Variants in TTC39C observed in about 807,000 individuals in gnomAD.
The protein encoded by TTC39C is tetratricopeptide repeat protein 39C.
TTC39C carries 33 observed loss-of-function variants against 76.3 expected under a neutral mutation model. The ratio of observed to expected loss-of-function variants is 0.43; its 90% CI spans 0.33 to 0.58. TTC39C has a LOEUF of 0.58. Ranked by LOEUF, TTC39C falls within the 20% of genes least tolerant of loss-of-function variation. The pLI, the probability that TTC39C is intolerant of heterozygous loss-of-function variation, is 0.04. For synonymous variants in TTC39C, 254 were observed against 260.6 expected (o/e 0.97, Z 0.24); for missense variants, 595 against 701.4 (o/e 0.85, Z 1.71).
chr18:24,017,609 A>C (rs1263747610), intron 1 of TTC39C, among the ~76,000 whole-genome samples: 1 of 152,202 alleles, frequency 6.6e-6, no homozygotes, highest in African/African-American at 2.4e-5. Flanking sequence ...CGTATTACGT[A>C]TGAAGGATTT....
chr18:24,099,800 ATTTC>A (rs1358906690), intron 6 of TTC39C, among the ~76,000 whole-genome samples: 1 of 151,804 alleles, frequency 6.6e-6, no homozygotes, highest in East Asian at 1.9e-4. Context: ...AACTTCCCTT[ATTTC>A]TTCTGTAATG....
chr18:24,016,308 G>C lies in TTC39C; in HGVS notation c.167+1270G>C, dbSNP rs538108572. Among the ~76,000 whole-genome samples the C allele has an allele frequency of 2.8e-4, 42 of 152,238 alleles. No individual in the cohort carries two copies. In the East Asian group the frequency reaches 7.9e-3, roughly 29 times the overall value. ...GTTTCAAGATGGAGTTTCATCAAAG[G>C]CTGTTGATGGGGGATTTAAAAGGTT... On this transcript the variant is annotated intron_variant, in intron 1 of 13. Coordinates refer to ENST00000317571, the MANE Select transcript of TTC39C (RefSeq NM_001135993.2).
chr18:23,995,727 G>A (rs1042613614), intron 1 of TTC39C, among the ~76,000 whole-genome samples: 8 of 151,692 alleles, frequency 5.3e-5, no homozygotes, highest in Non-Finnish European at 1.0e-4. Flanking sequence ...AAAGTTAGCC[G>A]GGCATGGTGG....
At chr18:24,055,585 C>T (rs1043329311) in intron 1 of TTC39C, among the ~76,000 whole-genome samples, 3 of 151,988 alleles carry the variant, frequency 2.0e-5, no homozygotes, top group East Asian at 1.9e-4. Flanking sequence ...TTAGATTGTT[C>T]GTTTTTTGTT....
At chr18:24,008,230 C>T (rs17797732) in intron 1 of TTC39C, among the ~76,000 whole-genome samples, 8,476 of 152,212 alleles carry the variant, frequency 0.056, 298 homozygotes, top group Middle Eastern at 0.13. Flanking sequence ...CTCGAATGTC[C>T]GAGGGAATCT....
chr18:24,052,789 T>C (rs1234226240), intron 1 of TTC39C, among the ~76,000 whole-genome samples: 1 of 152,156 alleles, frequency 6.6e-6, no homozygotes, highest in Non-Finnish European at 1.5e-5. Context: ...CATTGAGAAT[T>C]GGAAATTTAT....
At chr18:24,104,015 T>C (rs1312337809) in intron 6 of TTC39C, among the ~76,000 whole-genome samples, 2 of 151,256 alleles carry the variant, frequency 1.3e-5, no homozygotes, top group Non-Finnish European at 2.9e-5. Flanking sequence ...CATTGCAACC[T>C]CCACCTTCTG....
At chr18:24,080,466 A>G in intron 4 of TTC39C, 119 bp from the exon 5 acceptor site, 1 of 731,508 alleles carries the variant, frequency 1.4e-6, no homozygotes, top group Non-Finnish European at 2.2e-6. Context: ...ATAGATACTA[A>G]TTTTTATGTT....
chr18:24,110,701 C>T (rs1190566740), intron 6 of TTC39C, among the ~76,000 whole-genome samples: 1 of 152,228 alleles, frequency 6.6e-6, no homozygotes, highest in African/African-American at 2.4e-5. Context: ...AAATATGCTC[C>T]ATCTTTCATA....
chr18:24,019,172 T>C (rs1384990008), intron 1 of TTC39C, among the ~76,000 whole-genome samples: 1 of 152,164 alleles, frequency 6.6e-6, no homozygotes, highest in Admixed American at 6.5e-5. Flanking sequence ...CCAAATGAGC[T>C]TCGCAGTTCT....
chr18:24,042,934 C>T lies in TTC39C; in HGVS notation c.168-21206C>T, dbSNP rs547156776. Among the ~76,000 whole-genome samples the T allele has an allele frequency of 7.9e-5, 12 of 152,138 alleles. No homozygotes were observed. The South Asian group carries it at 2.1e-3, about 26-fold the overall frequency. On this transcript the variant is annotated intron_variant, in intron 1 of 13. Transcript: ENST00000317571. ...GGAAGTTTCTGGAGCAATTTGAGAG[C>T]AGATACCATGACTCTCATAAAAATG... is the stretch of plus-strand genomic sequence containing the variant.
intron 1 of TTC39C, among the ~76,000 whole-genome samples, chr18:24,020,962 G>A (rs1432657575): frequency 5.9e-5 from 9 of 152,004 alleles, no homozygotes; most frequent in African/African-American, 1.9e-4. Context: ...CTAGTTACAC[G>A]AAACCACTTG....
At chr18:24,024,922 G>T (rs1312921258) in intron 1 of TTC39C, among the ~76,000 whole-genome samples, 1 of 152,184 alleles carries the variant, frequency 6.6e-6, no homozygotes, top group Non-Finnish European at 1.5e-5. Context: ...AGGCTGGAGT[G>T]CAGTGGCATG....
At chr18:24,046,182 C>A (rs1019269887) in intron 1 of TTC39C, among the ~76,000 whole-genome samples, 1 of 151,906 alleles carries the variant, frequency 6.6e-6, no homozygotes, top group Non-Finnish European at 1.5e-5. Flanking sequence ...TCGTGATCCA[C>A]CTGCCTTGGC....
At chr18:24,120,929 A>C (rs1214020795) in intron 8 of TTC39C, 1 of 152,160 alleles carries the variant, frequency 6.6e-6, no homozygotes, top group African/African-American at 2.4e-5. Flanking sequence ...TTGTTCATCC[A>C]TTCATTCATT....
chr18:24,088,661 C>T (rs2084477186), intron 6 of TTC39C, among the ~76,000 whole-genome samples: 1 of 152,212 alleles, frequency 6.6e-6, no homozygotes, highest in African/African-American at 2.4e-5. Context: ...TCCCTCACTC[C>T]GTTCCTGCTG....
intron 6 of TTC39C, among the ~76,000 whole-genome samples, chr18:24,099,004 A>AGTGT (rs1229315087): frequency 1.9e-4 from 9 of 46,336 alleles, no homozygotes; most frequent in South Asian, 1.7e-3. Context: ...AAGTTAGAGG[A>AGTGT]ATGTGTGTGT....
At chr18:24,044,204 CTT>C (rs2041438537) in intron 1 of TTC39C, among the ~76,000 whole-genome samples, 2 of 149,810 alleles carry the variant, frequency 1.3e-5, no homozygotes, top group African/African-American at 4.8e-5. Flanking sequence ...AAGTCAGACT[CTT>C]TCTAGGATTT....
rs188735902 is a variant in TTC39C at position 24,128,187 on chromosome 18, G to T, written c.1421-699G>T. Among the ~76,000 whole-genome samples, 4 of 152,314 alleles carry T rather than the reference G, an allele frequency of 2.6e-5. 1 individual carries two copies. Among genetic ancestry groups the T allele is most frequent in the Admixed American group, 2.6e-4 (4 of 15,292 alleles). ...ATAAATATTGAATGAATGAATTAGTGTAATGAATGAATGAATGAACAAGTG... is the reference window on the plus strand; with the variant it reads ...ATAAATATTGAATGAATGAATTAGTTTAATGAATGAATGAATGAACAAGTG... On this transcript the variant is annotated intron_variant, in intron 10 of 13. Transcript: ENST00000317571.
Sources: gnomAD v4.1 joint callset for allele counts (sites outside exome capture counted in the v4.1 genomes callset) on GRCh38, gnomAD v4.1.1 for gene constraint, MANE v1.5 for transcripts, NCBI Gene and HGNC (gene_info 2026-07-23, HGNC 2026-07-21) for gene names.